DCC: variants seen among roughly 807,000 people sequenced by gnomAD.
The protein encoded by DCC is DCC netrin 1 receptor.
A neutral mutation model predicts 172.5 loss-of-function variants in DCC; 58 were observed. That is an observed-to-expected ratio of 0.34 (90% CI 0.27 to 0.42). The LOEUF is 0.42. DCC is among the 10% of genes least tolerant of loss of function. DCC has a pLI of 1.00. For synonymous variants in DCC, 709 were observed against 644.5 expected (o/e 1.10, Z -1.52); for missense variants, 1,740 against 1,791.0 (o/e 0.97, Z 0.51).
intron 2 of DCC, among the ~76,000 whole-genome samples, chr18:52,797,362 G>A (rs1042724986): frequency 6.6e-6 from 1 of 152,084 alleles, no homozygotes. Flanking sequence ...TGCACATCTG[G>A]TGTAATAGCT....
At chr18:52,669,342 A>G (rs1387340437) in intron 1 of DCC, among the ~76,000 whole-genome samples, 1 of 152,200 alleles carries the variant, frequency 6.6e-6, no homozygotes, top group Non-Finnish European at 1.5e-5. Flanking sequence ...CTAAACCATA[A>G]TTTCTAATCT....
chr18:53,070,609 C>T (rs569704418), intron 7 of DCC, among the ~76,000 whole-genome samples: 208 of 152,156 alleles, frequency 1.4e-3, no homozygotes, highest in Middle Eastern at 3.4e-3. Context: ...GCAGAAATGG[C>T]GTTTAACTCC....
At chr18:53,016,975 G>A (rs1350814213) in intron 5 of DCC, among the ~76,000 whole-genome samples, 2 of 151,974 alleles carry the variant, frequency 1.3e-5, no homozygotes, top group African/African-American at 2.4e-5. Context: ...ATTAACATGC[G>A]GCAGAGTACT....
At chr18:52,881,646 G>C (rs1263180017) in intron 2 of DCC, among the ~76,000 whole-genome samples, 2 of 152,146 alleles carry the variant, frequency 1.3e-5, no homozygotes, top group East Asian at 3.9e-4. Context: ...TCTGTATTCT[G>C]TTCCATTGGT....
Position 52,982,666 on chromosome 18 carries a change from T to C in DCC, c.985+57296T>C, listed in dbSNP as rs945295967. On this transcript the variant is annotated intron_variant, in intron 5 of 28. Coordinates refer to ENST00000442544, the MANE Select transcript of DCC (RefSeq NM_005215.4). ...CAAGTTGTAACAGCCAAACATGTTT[T>C]GAGATATTGCCAGATGTCCCCAAGA... 2.6e-5 allele frequency among the ~76,000 whole-genome samples: 4 copies of C among 152,034 alleles called. No homozygotes were observed. In the East Asian group the frequency reaches 7.7e-4, roughly 29 times the overall value.
intron 15 of DCC, among the ~76,000 whole-genome samples, chr18:53,378,994 TTCTC>T (rs1362532635): frequency 6.6e-6 from 1 of 152,252 alleles, no homozygotes; most frequent in Non-Finnish European, 1.5e-5. Flanking sequence ...AATGGCATCT[TTCTC>T]AAATATGTGT....
chr18:52,846,162 C>T (rs773378742), intron 2 of DCC, among the ~76,000 whole-genome samples: 34 of 152,062 alleles, frequency 2.2e-4, no homozygotes, highest in South Asian at 8.3e-4. Context: ...AAGCATGGAC[C>T]AAAGAAAAGT....
At chr18:53,230,370 CT>C (rs1568379539) in intron 12 of DCC, among the ~76,000 whole-genome samples, 2 of 152,078 alleles carry the variant, frequency 1.3e-5, no homozygotes, top group East Asian at 3.9e-4. Flanking sequence ...TTATTTCAGC[CT>C]TTCAAAAATG....
chr18:53,186,449 G>A (rs1010137342), intron 9 of DCC, among the ~76,000 whole-genome samples: 2 of 152,130 alleles, frequency 1.3e-5, no homozygotes, highest in Non-Finnish European at 2.9e-5. Flanking sequence ...TCATGCTGGT[G>A]CAGCTGAATG....
At chr18:53,081,337 A>G (rs762496072) in intron 7 of DCC, among the ~76,000 whole-genome samples, 1 of 152,086 alleles carries the variant, frequency 6.6e-6, no homozygotes, top group Non-Finnish European at 1.5e-5. Flanking sequence ...ATGTGCACTC[A>G]TGTTGATAAA....
intron 1 of DCC, among the ~76,000 whole-genome samples, chr18:52,625,431 C>G (rs1300664004): frequency 6.6e-6 from 1 of 152,176 alleles, no homozygotes; most frequent in African/African-American, 2.4e-5. Flanking sequence ...CCTTCTGTTA[C>G]AAGGAGACAT....
intron 2 of DCC, among the ~76,000 whole-genome samples, chr18:52,871,999 T>C (rs1299820868): frequency 6.6e-6 from 1 of 152,208 alleles, no homozygotes; most frequent in Non-Finnish European, 1.5e-5. Flanking sequence ...TTTGGTATCA[T>C]GCTCATAGTG....
intron 5 of DCC, among the ~76,000 whole-genome samples, chr18:53,038,497 A>G (rs1354895177): frequency 6.6e-6 from 1 of 151,968 alleles, no homozygotes; most frequent in African/African-American, 2.4e-5. Context: ...TTAGGAGTAC[A>G]TATTCAGCCC....
chr18:52,535,566 A>G (rs1344286547), intron 1 of DCC, among the ~76,000 whole-genome samples: 1 of 152,216 alleles, frequency 6.6e-6, no homozygotes, highest in East Asian at 1.9e-4. Flanking sequence ...GTCCAGTAAA[A>G]TATACTGTCC....
Position 53,322,062 on chromosome 18 carries a change from G to A in DCC, c.2069G>A (p.Ser690Asn). 1 of 1,602,922 alleles carries A rather than the reference G, an allele frequency of 6.2e-7. No individual in the cohort carries two copies. Among genetic ancestry groups the A allele is most frequent in the Non-Finnish European group, 8.5e-7 (1 of 1,169,714 alleles). ...TCTTTCATAGGACTGGAGAAAGGAAGTCAGTACAGTTTCCAGGTGTCAGCC... is the reference window on the plus strand; with the variant it reads ...TCTTTCATAGGACTGGAGAAAGGAAATCAGTACAGTTTCCAGGTGTCAGCC... ...WYLFTGLEKG[S>N]QYSFQVSAMT... Residue 690 changes from serine (S) to asparagine (N), a missense_variant, in exon 14 of 29, where the codon AGT becomes AAT. This residue lies in a region of DCC where 1,732 missense variants were observed against 1,767.4 expected (regional missense o/e 0.98). Transcript: ENST00000442544.
At chr18:52,494,264 A>ATGTGTGTGTGTGTGTGTGTG (rs10633986) in intron 1 of DCC, among the ~76,000 whole-genome samples, 233 of 147,528 alleles carry the variant, frequency 1.6e-3, no homozygotes, top group East Asian at 0.013. Flanking sequence ...ATGGTTTGTG[A>ATGTGTGTGTGTGTGTGTGTG]TGTGTGTGTG....
chr18:52,540,438 A>G (rs1287187093), intron 1 of DCC, among the ~76,000 whole-genome samples: 2 of 151,958 alleles, frequency 1.3e-5, no homozygotes, highest in Non-Finnish European at 1.5e-5. Context: ...AAAAAAAACC[A>G]TATTTTAAAA....
At chr18:52,439,786 A>G (rs966893358) in intron 1 of DCC, among the ~76,000 whole-genome samples, 2 of 151,864 alleles carry the variant, frequency 1.3e-5, no homozygotes, top group African/African-American at 4.8e-5. Flanking sequence ...TAATAAAGAA[A>G]CAGAGAGGAT....
chr18:52,763,193 T>C (rs866153486), intron 2 of DCC, among the ~76,000 whole-genome samples: 2 of 152,184 alleles, frequency 1.3e-5, no homozygotes, highest in South Asian at 4.1e-4. Context: ...GCTCATCAGG[T>C]TCATTTACTA....
Sources: gnomAD v4.1 joint callset for allele counts (sites outside exome capture counted in the v4.1 genomes callset) on GRCh38, gnomAD v4.1.1 for gene constraint, gnomAD v4.1.1 regional missense constraint, MANE v1.5 for transcripts, NCBI Gene and HGNC (gene_info 2026-07-23, HGNC 2026-07-21) for gene names.